VWA3B: variants seen among roughly 807,000 people sequenced by gnomAD.
VWA3B encodes von Willebrand factor A domain-containing protein 3B.
In VWA3B, 138 loss-of-function variants were observed where a neutral mutation model predicts 158.3. The ratio of observed to expected loss-of-function variants is 0.87; its 90% confidence interval spans 0.76 to 1.00. VWA3B has a LOEUF of 1.00. Among genes scored for constraint, VWA3B ranks in the 50% least tolerant of loss-of-function variants. VWA3B has a pLI of 0.00. For synonymous variants in VWA3B, 596 were observed against 587.3 expected (o/e 1.01, Z -0.21); for missense variants, 1,555 against 1,565.1 (o/e 0.99, Z 0.11).
chr2:98,145,108 G>T (rs148085587), intron 7 of VWA3B, among the ~76,000 whole-genome samples: 3 of 152,288 alleles, frequency 2.0e-5, no homozygotes, highest in African/African-American at 7.2e-5. Flanking sequence ...AGTCCATTAA[G>T]TGTTAGGATT....
intron 13 of VWA3B, among the ~76,000 whole-genome samples, chr2:98,214,063 C>T (rs927299602): frequency 6.6e-6 from 1 of 151,958 alleles, no homozygotes; most frequent in African/African-American, 2.4e-5. Context: ...TGGTGGTGTG[C>T]ACCTGTAGTC....
At chr2:98,221,351 T>C (rs139934340) in intron 14 of VWA3B, among the ~76,000 whole-genome samples, 79 of 152,254 alleles carry the variant, frequency 5.2e-4, no homozygotes, top group African/African-American at 1.7e-3. Flanking sequence ...AGAGCACGGC[T>C]TAATAACAGA....
intron 16 of VWA3B, among the ~76,000 whole-genome samples, chr2:98,233,602 G>T (rs1206038107): frequency 6.6e-6 from 1 of 152,190 alleles, no homozygotes; most frequent in South Asian, 2.1e-4. Context: ...GACAATCAAG[G>T]CAGGGCTTAC....
At chr2:98,148,886 C>G (rs1281878693) in intron 7 of VWA3B, among the ~76,000 whole-genome samples, 1 of 152,116 alleles carries the variant, frequency 6.6e-6, no homozygotes, top group South Asian at 2.1e-4. Context: ...TTCCACCTAC[C>G]CTTATATTTA....
chr2:98,300,269 T>C lies in VWA3B; in HGVS notation c.3420+53T>C, dbSNP rs1331913058. On this transcript the variant is annotated intron_variant, in intron 25 of 27. Coordinates refer to ENST00000477737, the MANE Select transcript of VWA3B (RefSeq NM_144992.5). ...CTTTCTCCTGGGCAATGCCAGGCTG[T>C]ATCCTGGCACTGCCAGGCTTCTTGA... The C allele has an allele frequency of 3.7e-6, 6 of 1,602,842 alleles. No individual in the cohort carries two copies. In the East Asian group the frequency reaches 8.9e-5, roughly 24 times the overall value.
intron 7 of VWA3B, among the ~76,000 whole-genome samples, chr2:98,156,901 G>C (rs780433965): frequency 6.6e-5 from 10 of 152,104 alleles, no homozygotes; most frequent in Non-Finnish European, 1.3e-4. Context: ...TAGCCCCATA[G>C]CATCCTGGAG....
intron 23 of VWA3B, among the ~76,000 whole-genome samples, chr2:98,293,834 T>C (rs1574295435): frequency 6.6e-6 from 1 of 152,170 alleles, no homozygotes; most frequent in East Asian, 1.9e-4. Context: ...TTGTTAATTG[T>C]CCCAATAATG....
rs1444395129 is a variant in VWA3B at position 98,181,067 on chromosome 2, A to G, written c.1166A>G (p.Asp389Gly). Residue 389 changes from aspartate to glycine, a missense_variant, in exon 9 of 28, where the codon GAC becomes GGC. Asp to Gly is a moderately conservative substitution (Grantham distance 94, BLOSUM62 -1). Transcript: ENST00000477737. The part of the protein sequence containing the change: ...EIASNPEDTW[D>G]SKTWLQKYGL... ...GCATCGAATCCAGAAGACACCTGGG[A>G]CTCTAAGACATGGCTGCAGAAATAT... The G allele has an allele frequency of 6.2e-7, 1 of 1,614,032 alleles. No homozygotes were observed. The highest frequency in any genetic ancestry group is 1.3e-5 in the African/African-American group (1 of 74,910).
At chr2:98,254,352 C>T (rs1297983418) in intron 20 of VWA3B, among the ~76,000 whole-genome samples, 1 of 152,162 alleles carries the variant, frequency 6.6e-6, no homozygotes, top group East Asian at 1.9e-4. Flanking sequence ...TGCCTCCACT[C>T]TCTACATTTA....
At position 98,144,566 on chromosome 2, in the gene VWA3B, CTT is replaced by C. The variant is rs34924678; in HGVS notation, c.988+10640_988+10641del. On this transcript the variant is annotated intron_variant, in intron 7 of 27. Coordinates refer to ENST00000477737, the MANE Select transcript of VWA3B (RefSeq NM_144992.5). ...GGTGCCCATAGGGTTTTCTTTCTTT[CTT>C]TTTTTTTTTTTTAATTGAAATGGAG... Among the ~76,000 whole-genome samples the C allele has an allele frequency of 2.3e-3, 326 of 143,874 alleles. 1 individual carries two copies. Among genetic ancestry groups the C allele is most frequent in the Non-Finnish European group, 2.9e-3 (188 of 65,848 alleles). 94.4% of individuals were successfully genotyped at this position (143,874 alleles called of 152,430 possible).
At chr2:98,296,224 G>A (rs10174263) in intron 23 of VWA3B, among the ~76,000 whole-genome samples, 5,563 of 152,346 alleles carry the variant, frequency 0.037, 128 homozygotes, top group South Asian at 0.065. Flanking sequence ...ACATGGGCCA[G>A]TGTGGCTGTA....
chr2:98,093,643 T>C (rs1052307026), intron 2 of VWA3B, among the ~76,000 whole-genome samples: 2 of 152,226 alleles, frequency 1.3e-5, no homozygotes, highest in Non-Finnish European at 2.9e-5. Flanking sequence ...TATAGTCATT[T>C]TTTGTGGTGA....
At chr2:98,310,168 C>T (rs1445318763) in intron 26 of VWA3B, among the ~76,000 whole-genome samples, 2 of 152,206 alleles carry the variant, frequency 1.3e-5, no homozygotes, top group East Asian at 3.8e-4. Context: ...GTGCCTACTC[C>T]ATGGGTCCTC....
intron 9 of VWA3B, among the ~76,000 whole-genome samples, chr2:98,185,051 A>G (rs1451171027): frequency 6.6e-6 from 1 of 152,062 alleles, no homozygotes; most frequent in African/African-American, 2.4e-5. Flanking sequence ...TCTCTTTCCC[A>G]GTGACTTCCT....
chr2:98,181,679 G>A (rs1371753791), intron 9 of VWA3B, among the ~76,000 whole-genome samples: 1 of 152,172 alleles, frequency 6.6e-6, no homozygotes, highest in East Asian at 1.9e-4. Flanking sequence ...TCCTCCAAAG[G>A]GCTATAACCA....
At chr2:98,261,993 G>A (rs1687514850) in intron 21 of VWA3B, among the ~76,000 whole-genome samples, 2 of 151,614 alleles carry the variant, frequency 1.3e-5, no homozygotes, top group Non-Finnish European at 1.5e-5. Flanking sequence ...CATCCTAATG[G>A]ATATGAAGGA....
intron 22 of VWA3B, among the ~76,000 whole-genome samples, chr2:98,277,999 C>T (rs964722205): frequency 4.0e-5 from 6 of 151,870 alleles, no homozygotes; most frequent in Admixed American, 3.9e-4. Flanking sequence ...AGGTGTGAGG[C>T]ATTACACCCT....
intron 7 of VWA3B, among the ~76,000 whole-genome samples, chr2:98,134,934 C>A (rs1676145457): frequency 6.6e-6 from 1 of 151,794 alleles, no homozygotes; most frequent in South Asian, 2.1e-4. Flanking sequence ...GGAGATGTTC[C>A]CATAGAGTTC....
chr2:98,309,036 G>C (rs1690714883), intron 26 of VWA3B, among the ~76,000 whole-genome samples: 1 of 151,828 alleles, frequency 6.6e-6, no homozygotes, highest in Admixed American at 6.6e-5. Context: ...GATGGACATG[G>C]TGGTGGGCAC....
Sources: gnomAD v4.1 joint callset for allele counts (sites outside exome capture counted in the v4.1 genomes callset) on GRCh38, gnomAD v4.1.1 for gene constraint, MANE v1.5 for transcripts, NCBI Gene and HGNC (gene_info 2026-07-23, HGNC 2026-07-21) for gene names.